CARD14: variants seen among roughly 807,000 people sequenced by gnomAD.
CARD14 encodes caspase recruitment domain-containing protein 14.
In CARD14, 107 loss-of-function variants were observed where a neutral mutation model predicts 111.5. The ratio of observed to expected loss-of-function variants is 0.96; its 90% CI spans 0.82 to 1.13. The LOEUF (loss-of-function observed/expected upper bound fraction) is 1.13. CARD14 is among the 50% of genes most tolerant of loss of function. The pLI, the probability that CARD14 is intolerant of heterozygous loss-of-function variation, is 0.00. For missense variants in CARD14, 1,322 were observed against 1,362.3 expected, an observed-to-expected ratio of 0.97 and a Z score of 0.47; for synonymous variants, 617 against 579.6, an observed-to-expected ratio of 1.06 and a Z score of -0.93.
chr17:80,181,621 C>A lies in CARD14; in HGVS notation c.183C>A (p.Pro61=), dbSNP rs1297788084. Residue 61 remains proline, a synonymous_variant, in exon 5 of 24, where the codon CCC becomes CCA. Coordinates refer to ENST00000648509, the MANE Select transcript of CARD14 (RefSeq NM_001366385.1). The part of the protein sequence containing the change: ...QLDEEEVLHS[P]RLTNSAMRAG... Reference sequence around the variant, plus strand: ...ACGAGGAGGAGGTGCTGCACAGCCCCCGGCTCACCAACAGCGCCATGCGGG... The same window carrying A: ...ACGAGGAGGAGGTGCTGCACAGCCCACGGCTCACCAACAGCGCCATGCGGG... The A allele has an allele frequency of 1.9e-6, 3 of 1,553,058 alleles. No homozygotes were observed. In the African/African-American group the frequency reaches 4.1e-5, roughly 21 times the overall value.
At chr17:80,181,089 TAA>T (rs60307812) in intron 4 of CARD14, among the ~76,000 whole-genome samples, 1 of 141,430 alleles carries the variant, frequency 7.1e-6, no homozygotes, top group African/African-American at 2.6e-5. Flanking sequence ...GATGAATTTC[TAA>T]AAAAAAAAAA....
chr17:80,194,243 C>T (rs2040631162), intron 12 of CARD14, among the ~76,000 whole-genome samples: 1 of 152,178 alleles, frequency 6.6e-6, no homozygotes, highest in South Asian at 2.1e-4. Flanking sequence ...CGCCCACAGC[C>T]CTGGAATGCC....
rs1031993269 is a variant in CARD14, at chr17:80,188,265, GC to G, written c.676-107del. 7.2e-6 allele frequency: 8 copies of G among 1,111,094 alleles called. No homozygotes were observed. In the African/African-American group the frequency reaches 1.3e-4, roughly 18 times the overall value. 68.8% of individuals were successfully genotyped at this position (1,111,094 alleles called of 1,614,324 possible). A position where few individuals can be genotyped will look rare whatever the true frequency, so the allele number is the denominator to read the frequency against. ...GGGTTTTTCAGTCTCGAGGCAGGAA[GC>G]CCCCTGAGTGCTAAAAGCATCATTA... On this transcript the variant is annotated intron_variant, in intron 7 of 23. Coordinates refer to ENST00000648509, the MANE Select transcript of CARD14 (RefSeq NM_001366385.1). This position sits in a 1 kb window ranked among gnomAD's most constrained non-coding sequence, Gnocchi z 4.5.
Position 80,208,168 on chromosome 17 carries a change from G to A in CARD14, c.2838G>A (p.Glu946=), listed in dbSNP as rs1454622100. The change falls in exon 24 of 24, where the codon GAG becomes GAA. Residue 946 remains glutamate (E), a synonymous_variant. Transcript: ENST00000648509. Reference sequence around the variant, plus strand: ...GCCTACAGCGGTTGGGCACCTCAGAGGAGCAGCTCCTGGAGGCTGCGAGGC... The same window carrying A: ...GCCTACAGCGGTTGGGCACCTCAGAAGAGCAGCTCCTGGAGGCTGCGAGGC... ...KKGLQRLGTS[E]EQLLEAARQE... is the part of the protein sequence containing the mutation. The A allele has an allele frequency of 1.9e-6, 3 of 1,548,154 alleles. No homozygotes were observed. In the South Asian group the frequency reaches 3.6e-5, roughly 18 times the overall value.
chr17:80,171,205 C>CCCTTCCTTCCTTCCTTCCTT (rs59738447), intron 1 of CARD14, among the ~76,000 whole-genome samples: 11 of 41,164 alleles, frequency 2.7e-4, no homozygotes, highest in African/African-American at 3.2e-4. Context: ...CTCCCTCCCT[C>CCCTTCCTTCCTTCCTTCCTT]CCTTCCTTCC....
At chr17:80,172,031 A>T (rs2039914174) in intron 1 of CARD14, among the ~76,000 whole-genome samples, 1 of 152,076 alleles carries the variant, frequency 6.6e-6, no homozygotes, top group Non-Finnish European at 1.5e-5. Context: ...GCTGTCCAGA[A>T]CTCCCAGGGT....
chr17:80,174,757 C>A (rs1160781987), intron 2 of CARD14, among the ~76,000 whole-genome samples: 6 of 152,266 alleles, frequency 3.9e-5, no homozygotes, highest in African/African-American at 1.4e-4. Context: ...AGCCCCCTCC[C>A]CACTCCTGCT....
intron 7 of CARD14, among the ~76,000 whole-genome samples, chr17:80,186,802 G>A (rs775859174): frequency 1.3e-5 from 2 of 152,080 alleles, no homozygotes; most frequent in African/African-American, 2.4e-5. Flanking sequence ...CGCCCACCTC[G>A]GTCTCCCAAA....
intron 16 of CARD14, among the ~76,000 whole-genome samples, chr17:80,200,309 C>T (rs1272162414): frequency 6.8e-6 from 1 of 148,092 alleles, no homozygotes; most frequent in African/African-American, 2.5e-5. Context: ...CGATCTTGGC[C>T]CACTGCAACC....
chr17:80,173,298 G>GCA (rs761819467), intron 2 of CARD14, 70 bp downstream of exon 2: 26,150 of 140,898 alleles, frequency 0.19, 2,625 homozygotes, highest in Middle Eastern at 0.23. Context: ...TCTCTCTCAT[G>GCA]CACACACACA....
At position 80,182,840 on chromosome 17, in the gene CARD14, G is replaced by T. The variant is rs1476386024; in HGVS notation, c.349+50G>T. ...TGGCAGGCACTTCTAGGAACCTCAG[G>T]CTCCTGGTAACCCCAGGTGCCCCGC... On this transcript the variant is annotated intron_variant, in intron 6 of 23. Coordinates refer to ENST00000648509, the MANE Select transcript of CARD14 (RefSeq NM_001366385.1). The surrounding 1 kb of genome is among the most constrained non-coding windows in gnomAD (Gnocchi z 4.7). 2.5e-6 allele frequency: 4 copies of T among 1,609,044 alleles called. No individual in the cohort carries two copies. The highest frequency in any genetic ancestry group is 2.7e-5 in the African/African-American group (2 of 74,806).
intron 1 of CARD14, among the ~76,000 whole-genome samples, chr17:80,171,256 T>G (rs1455409000): frequency 7.2e-6 from 1 of 138,592 alleles, no homozygotes; most frequent in Admixed American, 7.5e-5. Flanking sequence ...CTCTCTCTCC[T>G]TCCCTTCCTT....
At chr17:80,172,269 T>C (rs1030610343) in intron 1 of CARD14, among the ~76,000 whole-genome samples, 3 of 152,232 alleles carry the variant, frequency 2.0e-5, no homozygotes, top group Admixed American at 6.5e-5. Flanking sequence ...CCTTGGAACC[T>C]CTAGGCTCAG....
At chr17:80,176,363 C>G (rs2040026615) in intron 2 of CARD14, among the ~76,000 whole-genome samples, 2 of 150,636 alleles carry the variant, frequency 1.3e-5, no homozygotes, top group Non-Finnish European at 3.0e-5. Context: ...TCACTTAAGC[C>G]CAGAAGACGG....
At chr17:80,202,900 G>A (rs1006297505) in intron 18 of CARD14, 14 of 167,352 alleles carry the variant, frequency 8.4e-5, no homozygotes, top group South Asian at 4.7e-4. Context: ...GAAGCCCCTC[G>A]GTCCTGGGCA....
chr17:80,175,505 C>T (rs184549359), intron 2 of CARD14, among the ~76,000 whole-genome samples: 2 of 152,176 alleles, frequency 1.3e-5, no homozygotes, highest in African/African-American at 2.4e-5. Context: ...TCTAAGAAGG[C>T]GTGAGGGGAA....
rs139969019 is a variant in CARD14 at position 80,208,189 on chromosome 17, G to A, written c.2859G>A (p.Ala953=). The change falls in exon 24 of 24, where the codon GCG becomes GCA. Residue 953 remains alanine (A), a synonymous_variant. Transcript: ENST00000648509. ...CAGAGGAGCAGCTCCTGGAGGCTGC[G>A]AGGCAGGAGGAGGGAGACCTGGACC... ...GTSEEQLLEA[A]RQEEGDLDRA... 1,117 of 1,551,930 alleles carry A rather than the reference G, an allele frequency of 7.2e-4. 3 individuals are homozygous for A. The African/African-American group carries it at 0.013, about 19-fold the overall frequency.
At position 80,198,936 on chromosome 17, in the gene CARD14, C is replaced by G. The variant is rs2040828345; in HGVS notation, c.1851+345C>G. On this transcript the variant is annotated intron_variant, in intron 16 of 23. Transcript: ENST00000648509. The surrounding 1 kb of genome is among the most constrained non-coding windows in gnomAD (Gnocchi z 7.5). ...CACTATTTTAACCACTGGGGCATTT[C>G]TTTTCTTTCTTTTTTTTTGTTTGTT... is the stretch of plus-strand genomic sequence containing the variant. The G allele has an allele frequency of 8.7e-7, 1 of 1,153,728 alleles. No homozygotes were observed. Among genetic ancestry groups the G allele is most frequent in the South Asian group, 3.2e-5 (1 of 31,374 alleles). 71.5% of individuals were successfully genotyped at this position (1,153,728 alleles called of 1,614,324 possible).
intron 2 of CARD14, 31 bp downstream of exon 2, chr17:80,173,259 C>T (rs2144075221): frequency 6.5e-6 from 1 of 153,814 alleles, no homozygotes; most frequent in South Asian, 2.1e-4. Context: ...CCTCTGCTCT[C>T]TGCCTCTCCA....
Sources: allele counts gnomAD v4.1 joint callset (sites outside exome capture counted in the v4.1 genomes callset), GRCh38; gene constraint gnomAD v4.1.1; non-coding constraint Gnocchi (gnomAD v3.1); transcripts MANE v1.5; gene names NCBI Gene and HGNC (gene_info 2026-07-23, HGNC 2026-07-21).